The following ELK3 variants were observed in gnomAD, a reference collection of about 807,000 sequenced individuals.
ELK3 encodes ETS transcription factor ELK3, also known as ETS domain-containing protein Elk-3.
A neutral mutation model predicts 28.9 loss-of-function variants in ELK3; 10 were observed. That is an observed-to-expected ratio of 0.35 (90% CI 0.21 to 0.59). The LOEUF (loss-of-function observed/expected upper bound fraction) is 0.59, where lower values mean the gene tolerates loss of function less well. ELK3 is among the 20% of genes least tolerant of loss of function. The pLI, the probability that ELK3 is intolerant of heterozygous loss-of-function variation, is 0.82. For synonymous variants in ELK3, 272 were observed against 243.5 expected (o/e 1.12, Z -1.09); for missense variants, 463 against 517.3 (o/e 0.90, Z 1.02).
At chr12:96,259,290 G>A (rs1197426670) in intron 3 of ELK3, among the ~76,000 whole-genome samples, 4 of 152,136 alleles carry the variant, frequency 2.6e-5, no homozygotes, top group South Asian at 2.1e-4. Flanking sequence ...GGTGGCTCAC[G>A]CCTGTAATCC....
Position 96,267,671 on chromosome 12 carries a change from A to ATTAT in ELK3, c.*494_*497dup, listed in dbSNP as rs1260835219. ...TCAAACAGCTCTCTAGTAGAATTTC[A>ATTAT]TTATTTTTCACCAGTGGGCAATATG... is the stretch of plus-strand genomic sequence containing the variant. On this transcript the variant is annotated 3_prime_UTR_variant, in exon 5 of 5. Transcript: ENST00000228741. The ATTAT allele has an allele frequency of 1.8e-4, 27 of 152,844 alleles. No individual in the cohort carries two copies. Among genetic ancestry groups the ATTAT allele is most frequent in the African/African-American group, 5.5e-4 (23 of 41,574 alleles). The allele number at this position is 152,844 out of a possible 1,614,324, so 9.5% of individuals were successfully genotyped here.
At chr12:96,239,193 CCT>C (rs1393947447) in intron 2 of ELK3, among the ~76,000 whole-genome samples, 31 of 152,076 alleles carry the variant, frequency 2.0e-4, no homozygotes, top group African/African-American at 6.5e-4. Context: ...TTTTAGTATA[CCT>C]CTTTTAAGAT....
chr12:96,200,677 T>C (rs374787363), intron 1 of ELK3, among the ~76,000 whole-genome samples: 9 of 152,134 alleles, frequency 5.9e-5, no homozygotes, highest in African/African-American at 1.7e-4. Flanking sequence ...TTTTTTTTCT[T>C]TTTGAGACAG....
chr12:96,228,415 T>TAAAAAAAAAAAAAA (rs1951719098), intron 2 of ELK3, among the ~76,000 whole-genome samples: 2 of 32,924 alleles, frequency 6.1e-5, no homozygotes, highest in Admixed American at 4.7e-4. Flanking sequence ...AGACTCTGTG[T>TAAAAAAAAAAAAAA]CAAAAAAAAA....
intron 1 of ELK3, among the ~76,000 whole-genome samples, chr12:96,214,727 G>T (rs1325412826): frequency 6.6e-6 from 1 of 152,030 alleles, no homozygotes; most frequent in African/African-American, 2.4e-5. Context: ...TTCAGAACTT[G>T]TATAAGTTTT....
intron 1 of ELK3, among the ~76,000 whole-genome samples, chr12:96,214,584 A>C (rs1354122323): frequency 6.6e-6 from 1 of 152,248 alleles, no homozygotes; most frequent in Non-Finnish European, 1.5e-5. Context: ...ATACTTGTTA[A>C]TAAATGAAAA....
chr12:96,219,947 A>G (rs1314591658), intron 1 of ELK3, among the ~76,000 whole-genome samples: 1 of 152,174 alleles, frequency 6.6e-6, no homozygotes, highest in East Asian at 1.9e-4. Context: ...GAGGCTGGGC[A>G]TGCCTCAGAC....
chr12:96,259,577 C>T (rs991219199), intron 3 of ELK3, among the ~76,000 whole-genome samples, 154 bp from the exon 4 acceptor site: 1 of 152,194 alleles, frequency 6.6e-6, no homozygotes, highest in African/African-American at 2.4e-5. Context: ...AAACTGTTCA[C>T]AGCCCCTCAG....
chr12:96,212,546 C>T (rs1951585002), intron 1 of ELK3, among the ~76,000 whole-genome samples: 1 of 152,144 alleles, frequency 6.6e-6, no homozygotes, highest in Non-Finnish European at 1.5e-5. Flanking sequence ...ATTCCCAGGA[C>T]TTCTAAATCT....
chr12:96,252,999 G>A (rs1275177475), intron 3 of ELK3, among the ~76,000 whole-genome samples: 2 of 152,204 alleles, frequency 1.3e-5, no homozygotes, highest in East Asian at 1.9e-4. Context: ...GCTGGCTCAC[G>A]CCTGTAATCG....
intron 3 of ELK3, among the ~76,000 whole-genome samples, chr12:96,248,825 G>C (rs375218150): frequency 6.6e-6 from 1 of 152,216 alleles, no homozygotes; most frequent in Non-Finnish European, 1.5e-5. Context: ...ACTTACAGCA[G>C]CCCTGTCACG....
chr12:96,197,444 CTT>C (rs1951479126), intron 1 of ELK3, among the ~76,000 whole-genome samples: 3 of 152,294 alleles, frequency 2.0e-5, no homozygotes, highest in African/African-American at 7.2e-5. Context: ...GATGAAAGCT[CTT>C]TAACACGCAT....
intron 2 of ELK3, among the ~76,000 whole-genome samples, chr12:96,230,739 A>T (rs927238324): frequency 6.6e-6 from 1 of 152,208 alleles, no homozygotes; most frequent in African/African-American, 2.4e-5. Context: ...CCGGATTGGC[A>T]GTGCTGGGAT....
chr12:96,266,340 C>T (rs887547084), intron 4 of ELK3, among the ~76,000 whole-genome samples: 6 of 152,084 alleles, frequency 3.9e-5, no homozygotes, highest in African/African-American at 1.4e-4. Context: ...TCCTCAACAA[C>T]GAAAATCTAG....
At chr12:96,240,555 G>A (rs1951813717) in intron 2 of ELK3, among the ~76,000 whole-genome samples, 1 of 152,182 alleles carries the variant, frequency 6.6e-6, no homozygotes, top group South Asian at 2.1e-4. Flanking sequence ...CAGTCTTTGT[G>A]ATAGGGTCAA....
intron 2 of ELK3, among the ~76,000 whole-genome samples, chr12:96,244,680 G>A (rs1951844322): frequency 6.6e-6 from 1 of 152,098 alleles, no homozygotes; most frequent in African/African-American, 2.4e-5. Flanking sequence ...AATATTATGA[G>A]CTAAAACTAA....
At chr12:96,207,390 A>T (rs1347345226) in intron 1 of ELK3, among the ~76,000 whole-genome samples, 1 of 152,220 alleles carries the variant, frequency 6.6e-6, no homozygotes, top group Non-Finnish European at 1.5e-5. Flanking sequence ...CTTCAGATGC[A>T]GTTAAAATCC....
intron 4 of ELK3, among the ~76,000 whole-genome samples, chr12:96,264,860 T>C (rs1176095116): frequency 6.6e-6 from 1 of 152,242 alleles, no homozygotes; most frequent in African/African-American, 2.4e-5. Flanking sequence ...ACGTTGTTCT[T>C]AGCACTTTTG....
At chr12:96,224,214 C>T (rs1020344046) in intron 2 of ELK3, among the ~76,000 whole-genome samples, 1 of 152,154 alleles carries the variant, frequency 6.6e-6, no homozygotes, top group Non-Finnish European at 1.5e-5. Context: ...CCTCAGTATC[C>T]TCGTTTATAA....
Sources: gnomAD v4.1 joint callset for allele counts (sites outside exome capture counted in the v4.1 genomes callset) on GRCh38, gnomAD v4.1.1 for gene constraint, MANE v1.5 for transcripts, NCBI Gene and HGNC (gene_info 2026-07-23, HGNC 2026-07-21) for gene names.